TBC1D9: variants seen among roughly 807,000 people sequenced by gnomAD.
TBC1D9 encodes TBC1 domain family member 9.
A neutral mutation model predicts 132.0 loss-of-function variants in TBC1D9; 63 were observed. The ratio of observed to expected loss-of-function variants is 0.48; its 90% CI spans 0.39 to 0.59. The LOEUF (loss-of-function observed/expected upper bound fraction) is 0.59. Among genes scored for constraint, TBC1D9 ranks in the 20% least tolerant of loss-of-function variants. The pLI is 0.00. For synonymous variants in TBC1D9, 610 were observed against 609.9 expected (o/e 1.00, Z 0.00); for missense variants, 1,261 against 1,592.7 (o/e 0.79, Z 3.54).
intron 1 of TBC1D9, among the ~76,000 whole-genome samples, chr4:140,713,323 A>T (rs911129710): frequency 6.6e-6 from 1 of 151,804 alleles, no homozygotes; most frequent in Non-Finnish European, 1.5e-5. Flanking sequence ...AGCCCAGGAG[A>T]CCAGCCACTC....
intron 1 of TBC1D9, among the ~76,000 whole-genome samples, chr4:140,730,500 G>A (rs537244920): frequency 4.9e-4 from 74 of 152,300 alleles, no homozygotes; most frequent in Non-Finnish European, 8.2e-4. Flanking sequence ...GCCGAGGCAG[G>A]CAGATCACCT....
chr4:140,669,630 C>A lies in TBC1D9; in HGVS notation c.1437+4G>T. 1 of 1,600,100 alleles carries A rather than the reference C, an allele frequency of 6.2e-7. No individual in the cohort carries two copies. Among genetic ancestry groups the A allele is most frequent in the South Asian group, 1.1e-5 (1 of 90,310 alleles). ...AGTTTCAGGGAAAAGTGAGAGGCAC[C>A]CACCAATTTCGGGTTGAACTCCTCG... On this transcript the variant is annotated splice_donor_region_variant and intron_variant, in intron 8 of 20. Transcript: ENST00000442267.
chr4:140,738,106 C>T (rs1349013133), intron 1 of TBC1D9, among the ~76,000 whole-genome samples: 1 of 152,140 alleles, frequency 6.6e-6, no homozygotes, highest in East Asian at 1.9e-4. Context: ...ACATTTAACA[C>T]AAATTACATT....
rs531856883 is a variant in TBC1D9 at position 140,646,942 on chromosome 4, G to T, written c.2338-7514C>A. ...TAGGGGCTGCCATTAATGATGAAAA[G>T]CAATCATATTTAATTCACTATGGGG... On this transcript the variant is annotated intron_variant, in intron 13 of 20. Coordinates refer to ENST00000442267, the MANE Select transcript of TBC1D9 (RefSeq NM_015130.3). 1.2e-4 allele frequency among the ~76,000 whole-genome samples: 18 copies of T among 152,322 alleles called. No homozygotes were observed. In the South Asian group the frequency reaches 2.9e-3, roughly 25 times the overall value.
intron 2 of TBC1D9, among the ~76,000 whole-genome samples, chr4:140,694,827 T>C (rs898457202): frequency 3.2e-4 from 48 of 151,524 alleles, no homozygotes; most frequent in African/African-American, 1.2e-3. Context: ...TGGTATTTTG[T>C]TTTCTTTTTT....
intron 15 of TBC1D9, among the ~76,000 whole-genome samples, chr4:140,637,527 C>T (rs978678403): frequency 3.9e-5 from 6 of 152,162 alleles, no homozygotes; most frequent in African/African-American, 9.7e-5. Context: ...ACTTCCACTT[C>T]GTTTAGCTCC....
intron 3 of TBC1D9, among the ~76,000 whole-genome samples, chr4:140,684,047 G>C (rs191638414): frequency 1.4e-3 from 209 of 152,146 alleles, no homozygotes; most frequent in African/African-American, 3.9e-3. Context: ...TACTGGTCAA[G>C]AAAAAAAGAC....
At chr4:140,643,139 C>T in intron 13 of TBC1D9, 2 of 1,432,718 alleles carry the variant, frequency 1.4e-6, no homozygotes, top group Admixed American at 2.0e-5. Flanking sequence ...CGGGCCCATC[C>T]AGCACCTCCC....
At chr4:140,687,343 CATATATATAT>C (rs200090051) in intron 2 of TBC1D9, among the ~76,000 whole-genome samples, 549 of 37,702 alleles carry the variant, frequency 0.015, 6 homozygotes, top group East Asian at 0.025. Context: ...GTGTGTGTGT[CATATATATAT>C]ATATATATAT....
At chr4:140,682,140 A>C (rs760796786) in intron 3 of TBC1D9, among the ~76,000 whole-genome samples, 3 of 152,206 alleles carry the variant, frequency 2.0e-5, no homozygotes, top group Non-Finnish European at 2.9e-5. Flanking sequence ...CAGATTTCTA[A>C]ATCTACAATT....
intron 13 of TBC1D9, among the ~76,000 whole-genome samples, chr4:140,641,089 G>GA (rs1560869533): frequency 1.3e-4 from 2 of 15,150 alleles, no homozygotes; most frequent in African/African-American, 1.0e-3. Context: ...ATAATACTAA[G>GA]CAAAAAAAAA....
intron 2 of TBC1D9, chr4:140,700,995 C>T (rs1738060907): frequency 6.4e-6 from 1 of 155,324 alleles, no homozygotes; most frequent in South Asian, 2.0e-4. Flanking sequence ...TACTGATTAT[C>T]ATCAGGAGAA....
chr4:140,662,172 C>T, intron 9 of TBC1D9, 65 bp from the exon 10 acceptor site: 1 of 1,288,130 alleles, frequency 7.8e-7, no homozygotes, highest in Non-Finnish European at 1.1e-6. Context: ...TTTGCAACTA[C>T]AGCTTATGAT....
At chr4:140,668,528 G>C in intron 9 of TBC1D9, among the ~76,000 whole-genome samples, 1 of 152,090 alleles carries the variant, frequency 6.6e-6, no homozygotes, top group East Asian at 1.9e-4. Flanking sequence ...CCCGATGACT[G>C]CTCTGAGGAA....
chr4:140,643,720 C>A (rs1286673694), intron 13 of TBC1D9: 4 of 1,211,712 alleles, frequency 3.3e-6, no homozygotes, highest in Non-Finnish European at 4.6e-6. Flanking sequence ...GTGCAGGGTT[C>A]TGTCCGGCCC....
intron 13 of TBC1D9, chr4:140,642,539 T>TG: frequency 8.6e-7 from 1 of 1,156,214 alleles, no homozygotes; most frequent in Non-Finnish European, 1.3e-6. Flanking sequence ...TCCTGCTTGG[T>TG]GAGGGAGAGG....
chr4:140,692,608 CT>C (rs1308270895), intron 2 of TBC1D9, among the ~76,000 whole-genome samples: 11 of 152,082 alleles, frequency 7.2e-5, no homozygotes, highest in Admixed American at 7.2e-4. Context: ...TGAAAATATA[CT>C]TTTTCAAAAT....
chr4:140,705,726 T>C (rs928425100), intron 1 of TBC1D9, among the ~76,000 whole-genome samples: 1 of 152,126 alleles, frequency 6.6e-6, no homozygotes, highest in Non-Finnish European at 1.5e-5. Flanking sequence ...CAATTACGAT[T>C]TTCTTAGAAG....
At chr4:140,734,463 T>C (rs371403734) in intron 1 of TBC1D9, among the ~76,000 whole-genome samples, 5 of 152,046 alleles carry the variant, frequency 3.3e-5, no homozygotes, top group South Asian at 4.2e-4. Flanking sequence ...GAAAACTACA[T>C]TGAGGAACAC....
Sources: gnomAD v4.1 joint callset for allele counts (sites outside exome capture counted in the v4.1 genomes callset) on GRCh38, gnomAD v4.1.1 for gene constraint, MANE v1.5 for transcripts, NCBI Gene and HGNC (gene_info 2026-07-23, HGNC 2026-07-21) for gene names.